The following PAPPA variants were observed in gnomAD, a reference collection of about 807,000 sequenced individuals.
The protein encoded by PAPPA is pappalysin 1, also known as pappalysin-1.
A neutral mutation model predicts 164.0 loss-of-function variants in PAPPA; 60 were observed. The observed-to-expected ratio is 0.37, with a 90% CI of 0.30 to 0.45. The LOEUF is 0.45. PAPPA is among the 20% of genes least tolerant of loss of function. The pLI is 1.00. For synonymous variants in PAPPA, 875 were observed against 814.1 expected (o/e 1.07, Z -1.27); for missense variants, 1,782 against 2,087.3 (o/e 0.85, Z 2.85).
intron 17 of PAPPA, among the ~76,000 whole-genome samples, chr9:116,361,829 T>C (rs1440617834): frequency 3.3e-5 from 5 of 152,218 alleles, no homozygotes; most frequent in Non-Finnish European, 5.9e-5. Context: ...TAACGAATCT[T>C]ACTTGAATTA....
chr9:116,353,779 A>C lies in PAPPA; in HGVS notation c.4333A>C (p.Ser1445Arg). The change falls in exon 17 of 22, where the codon AGT becomes CGT. Residue 1445 changes from serine (S) to arginine (R), a missense_variant. By Grantham distance (110) the Ser-to-Arg change is moderately radical. Transcript: ENST00000328252. ...NSECRIKCED[S>R]DASQGLGSNV... ...TGAGTGTAGGATCAAGTGTGAAGAC[A>C]GTGATGCCTCCCAGGTAAGCCTCCT... 6.2e-7 allele frequency: 1 copy of C among 1,612,922 alleles called. No individual in the cohort carries two copies. The highest frequency in any genetic ancestry group is 8.5e-7 in the Non-Finnish European group (1 of 1,179,312).
At chr9:116,392,578 C>G (rs779769421) in intron 21 of PAPPA, among the ~76,000 whole-genome samples, 22 of 152,206 alleles carry the variant, frequency 1.4e-4, no homozygotes, top group Non-Finnish European at 2.8e-4. Flanking sequence ...CAAGTCCTTT[C>G]CAGGTTAGAC....
Position 116,241,845 on chromosome 9 carries a change from G to T in PAPPA, c.2732+6208G>T, listed in dbSNP as rs373949550. On this transcript the variant is annotated intron_variant, in intron 7 of 21. Transcript: ENST00000328252. ...CTTACATGCTGTTTCTATGGCTCTT[G>T]AGCTGAGTCACCACTTTCTTTCTTC... is the stretch of plus-strand genomic sequence containing the variant. Among the ~76,000 whole-genome samples the T allele has an allele frequency of 6.5e-4, 99 of 152,226 alleles. No homozygotes were observed. The Middle Eastern group carries it at 0.02, about 31-fold the overall frequency.
intron 1 of PAPPA, among the ~76,000 whole-genome samples, chr9:116,161,607 GT>G (rs1843665568): frequency 6.7e-6 from 1 of 149,092 alleles, no homozygotes; most frequent in Non-Finnish European, 1.5e-5. Context: ...TTGTTGTTAT[GT>G]TTTTTTAAAG....
At chr9:116,282,498 A>T (rs986886029) in intron 9 of PAPPA, among the ~76,000 whole-genome samples, 1 of 152,254 alleles carries the variant, frequency 6.6e-6, no homozygotes, top group Admixed American at 6.5e-5. Flanking sequence ...AATTAAATTA[A>T]TTGGATAAAA....
At chr9:116,321,319 G>A (rs548006972) in intron 10 of PAPPA, among the ~76,000 whole-genome samples, 2 of 152,292 alleles carry the variant, frequency 1.3e-5, no homozygotes, top group East Asian at 1.9e-4. Flanking sequence ...GAGCCACCGC[G>A]CCTGGCCATA....
intron 9 of PAPPA, among the ~76,000 whole-genome samples, chr9:116,298,393 C>A (rs532033418): frequency 6.6e-6 from 1 of 152,304 alleles, no homozygotes; most frequent in South Asian, 2.1e-4. Flanking sequence ...TGGCACCTAC[C>A]CACGTCAAGT....
At chr9:116,188,418 T>C (rs1221515673) in intron 2 of PAPPA, among the ~76,000 whole-genome samples, 1 of 152,090 alleles carries the variant, frequency 6.6e-6, no homozygotes, top group African/African-American at 2.4e-5. Context: ...ATTTATTGAG[T>C]GCCTACCATG....
In PAPPA at chr9:116,347,337, T is replaced by C. The variant is rs562233910; in HGVS notation, c.3964+128T>C. 2.7e-5 allele frequency: 19 copies of C among 692,310 alleles called. No homozygotes were observed. In the African/African-American group the frequency reaches 3.5e-4, roughly 13 times the overall value. 42.9% of individuals were successfully genotyped at this position (692,310 alleles called of 1,614,324 possible). A position where few individuals can be genotyped will look rare whatever the true frequency, so the allele number is the denominator to read the frequency against. On this transcript the variant is annotated intron_variant, in intron 15 of 21. Transcript: ENST00000328252. The surrounding 1 kb of genome is among the most constrained non-coding windows in gnomAD (Gnocchi z 4.5). ...GGGTTTTATCTATGCTCCTGACTTCTTCCTACTAATTGTATTTATGTAAAC... is the reference window on the plus strand; with the variant it reads ...GGGTTTTATCTATGCTCCTGACTTCCTCCTACTAATTGTATTTATGTAAAC...
chr9:116,255,099 CT>C (rs1844912827), intron 7 of PAPPA, among the ~76,000 whole-genome samples: 1 of 151,732 alleles, frequency 6.6e-6, no homozygotes, highest in Non-Finnish European at 1.5e-5. Context: ...TGAGTTTCAC[CT>C]TCCTAAAATA....
At chr9:116,270,172 G>A (rs1203480269) in intron 8 of PAPPA, among the ~76,000 whole-genome samples, 7 of 152,210 alleles carry the variant, frequency 4.6e-5, no homozygotes, top group Non-Finnish European at 8.8e-5. Flanking sequence ...TGGGGACTGT[G>A]ATTCCTTGAG....
chr9:116,228,969 C>T (rs1314202031), intron 6 of PAPPA, among the ~76,000 whole-genome samples: 2 of 152,154 alleles, frequency 1.3e-5, no homozygotes, highest in African/African-American at 4.8e-5. Flanking sequence ...GTGACCAACA[C>T]AGGCACTATA....
intron 1 of PAPPA, among the ~76,000 whole-genome samples, chr9:116,155,551 T>G (rs1843592082): frequency 6.6e-6 from 1 of 152,176 alleles, no homozygotes; most frequent in Non-Finnish European, 1.5e-5. Context: ...ACAAACAATC[T>G]TGCCATGTCC....
chr9:116,390,058 G>A (rs905220658), intron 21 of PAPPA, among the ~76,000 whole-genome samples: 3 of 152,106 alleles, frequency 2.0e-5, no homozygotes, highest in African/African-American at 7.2e-5. Context: ...TGAATTTAGG[G>A]TATTACCTGC....
intron 9 of PAPPA, among the ~76,000 whole-genome samples, chr9:116,296,492 G>T (rs532673547): frequency 6.6e-6 from 1 of 152,118 alleles, no homozygotes; most frequent in Non-Finnish European, 1.5e-5. Context: ...AATTCTGTTC[G>T]CAGAGATCTT....
chr9:116,211,743 A>G lies in PAPPA; in HGVS notation c.1729A>G (p.Ile577Val). 1 of 1,614,122 alleles carries G rather than the reference A, an allele frequency of 6.2e-7. No individual in the cohort carries two copies. Among genetic ancestry groups the G allele is most frequent in the Non-Finnish European group, 8.5e-7 (1 of 1,179,990 alleles). Residue 577 changes from isoleucine (I) to valine (V), a missense_variant, in exon 4 of 22, where the codon ATC becomes GTC. Transcript: ENST00000328252. Reference sequence around the variant, plus strand: ...GGGCCTCTATCACGTCTTCCGAGGCATCTCAGAAATCCAGTCCTGCAGTGA... The same window carrying G: ...GGGCCTCTATCACGTCTTCCGAGGCGTCTCAGAAATCCAGTCCTGCAGTGA... ...SLGLYHVFRG[I>V]SEIQSCSDPC...
chr9:116,199,655 A>G (rs1269449574), intron 2 of PAPPA, among the ~76,000 whole-genome samples: 2 of 152,154 alleles, frequency 1.3e-5, no homozygotes, highest in Admixed American at 6.5e-5. Flanking sequence ...TGCCTAGTAT[A>G]CAAGACCCTT....
intron 18 of PAPPA, among the ~76,000 whole-genome samples, chr9:116,363,431 C>A (rs1030923462): frequency 6.6e-6 from 1 of 152,174 alleles, no homozygotes; most frequent in African/African-American, 2.4e-5. Flanking sequence ...GACAGGCCAG[C>A]TCGAGAAATA....
chr9:116,245,659 G>A (rs116154195), intron 7 of PAPPA, among the ~76,000 whole-genome samples: 1,550 of 152,242 alleles, frequency 0.01, 36 homozygotes, highest in African/African-American at 0.036. Flanking sequence ...TGAGGGAAAC[G>A]TTATTTCCTG....
Sources: allele counts gnomAD v4.1 joint callset (sites outside exome capture counted in the v4.1 genomes callset), GRCh38; gene constraint gnomAD v4.1.1; non-coding constraint Gnocchi (gnomAD v3.1); transcripts MANE v1.5; gene names NCBI Gene and HGNC (gene_info 2026-07-23, HGNC 2026-07-21).